COG5: variants seen among roughly 807,000 people sequenced by gnomAD.
The protein encoded by COG5 is conserved oligomeric Golgi complex subunit 5.
In COG5, 86 loss-of-function variants were observed where a neutral mutation model predicts 110.4. The ratio of observed to expected loss-of-function variants is 0.78; its 90% CI spans 0.65 to 0.93. The LOEUF is 0.93. COG5 is among the 40% of genes least tolerant of loss of function. COG5 has a pLI of 0.00. For synonymous variants in COG5, 360 were observed against 334.6 expected (o/e 1.08, Z -0.83); for missense variants, 1,077 against 987.0 (o/e 1.09, Z -1.22).
At chr7:107,381,240 G>C (rs1815089857) in intron 7 of COG5, among the ~76,000 whole-genome samples, 1 of 152,160 alleles carries the variant, frequency 6.6e-6, no homozygotes, top group African/African-American at 2.4e-5. Context: ...TCAAACTTCA[G>C]TTTCAGAATT....
At chr7:107,486,626 A>G (rs1184684267) in intron 6 of COG5, among the ~76,000 whole-genome samples, 1 of 152,230 alleles carries the variant, frequency 6.6e-6, no homozygotes, top group African/African-American at 2.4e-5. Flanking sequence ...TAAGTGAATA[A>G]TAACTAAAAT....
chr7:107,330,588 A>G (rs1281246415), intron 10 of COG5, among the ~76,000 whole-genome samples: 1 of 152,188 alleles, frequency 6.6e-6, no homozygotes, highest in Non-Finnish European at 1.5e-5. Context: ...CTTACTGCAC[A>G]TTGAATAAGG....
chr7:107,298,621 G>T (rs950705462), intron 11 of COG5, among the ~76,000 whole-genome samples: 1 of 152,002 alleles, frequency 6.6e-6, no homozygotes, highest in Admixed American at 6.5e-5. Flanking sequence ...CCTTTTTCAA[G>T]AATCAAGAAA....
chr7:107,222,506 A>C (rs1800013717), intron 19 of COG5, among the ~76,000 whole-genome samples: 1 of 152,120 alleles, frequency 6.6e-6, no homozygotes, highest in Non-Finnish European at 1.5e-5. Flanking sequence ...GCCCAGCCTC[A>C]CCTGTCCCTT....
intron 17 of COG5, among the ~76,000 whole-genome samples, chr7:107,240,720 C>T (rs949872884): frequency 2.0e-5 from 3 of 152,196 alleles, no homozygotes; most frequent in African/African-American, 7.2e-5. Context: ...CCAACTCCAC[C>T]TCATATTTCA....
chr7:107,310,750 A>G (rs1173163771), intron 11 of COG5, among the ~76,000 whole-genome samples: 1 of 152,200 alleles, frequency 6.6e-6, no homozygotes, highest in Admixed American at 6.5e-5. Context: ...AAGACATCCC[A>G]AAAGAAGAGG....
At chr7:107,225,733 T>C (rs62483629) in intron 19 of COG5, among the ~76,000 whole-genome samples, 28,683 of 152,136 alleles carry the variant, frequency 0.19, 3,226 homozygotes, top group East Asian at 0.31. Flanking sequence ...GGCTAGTAGA[T>C]GCTATTATTT....
rs1216218119 is a variant in COG5 at position 107,295,098 on chromosome 7, TATA to T, written c.1313+3041_1313+3043del. Among the ~76,000 whole-genome samples, 439 of 68,354 alleles carry T rather than the reference TATA, an allele frequency of 6.4e-3. 2 individuals are homozygous for T. The highest frequency in any genetic ancestry group is 0.014 in the African/African-American group (228 of 15,964). The allele number at this position is 68,354 out of a possible 152,430, so 44.8% of individuals were successfully genotyped here. A position where few individuals can be genotyped will look rare whatever the true frequency, so the allele number is the denominator to read the frequency against. ...ATATATATATATATATATATATATA[TATA>T]TTTTTTTTTTTTTTTTGTAGAGTCA... is the stretch of plus-strand genomic sequence containing the variant. On this transcript the variant is annotated intron_variant, in intron 12 of 21. Coordinates refer to ENST00000297135, the MANE Select transcript of COG5 (RefSeq NM_006348.5).
At chr7:107,464,033 C>T (rs1364168248) in intron 6 of COG5, among the ~76,000 whole-genome samples, 2 of 152,090 alleles carry the variant, frequency 1.3e-5, no homozygotes, top group Non-Finnish European at 2.9e-5. Flanking sequence ...AATTTCTCTC[C>T]CTCCCTAAGG....
chr7:107,241,675 A>C (rs1801645538), intron 17 of COG5, among the ~76,000 whole-genome samples: 1 of 151,866 alleles, frequency 6.6e-6, no homozygotes, highest in Non-Finnish European at 1.5e-5. Context: ...GATGGTCTCG[A>C]TCTCCTGACC....
chr7:107,493,912 A>C (rs1798115289), intron 6 of COG5, among the ~76,000 whole-genome samples: 1 of 152,200 alleles, frequency 6.6e-6, no homozygotes, highest in Admixed American at 6.6e-5. Flanking sequence ...GCCTTAGAAA[A>C]TAAATTGTTA....
chr7:107,231,657 G>T (rs541393354), intron 18 of COG5, among the ~76,000 whole-genome samples: 18 of 152,120 alleles, frequency 1.2e-4, no homozygotes, highest in Non-Finnish European at 2.5e-4. Context: ...CTTCTGTCCT[G>T]CTGGCCACCC....
chr7:107,562,659 C>T (rs1000163276), intron 1 of COG5, among the ~76,000 whole-genome samples: 5 of 152,176 alleles, frequency 3.3e-5, no homozygotes, highest in Non-Finnish European at 7.3e-5. Context: ...AAGTTTTAGA[C>T]AGAGACCCGG....
chr7:107,413,102 G>A (rs79401864), intron 6 of COG5, among the ~76,000 whole-genome samples: 2,378 of 151,642 alleles, frequency 0.016, 68 homozygotes, highest in African/African-American at 0.052. Flanking sequence ...CTATAGTCTC[G>A]AACTACTGGG....
At chr7:107,548,003 C>A in intron 5 of COG5, 108 bp downstream of exon 5, 1 of 913,564 alleles carries the variant, frequency 1.1e-6, no homozygotes, top group South Asian at 1.5e-5. Flanking sequence ...TTTCTCTTAC[C>A]TTCTGTTCCC....
At chr7:107,514,069 T>G (rs530235756) in intron 6 of COG5, among the ~76,000 whole-genome samples, 58 of 147,466 alleles carry the variant, frequency 3.9e-4, no homozygotes, top group African/African-American at 1.2e-3. Flanking sequence ...TAAAATAAAA[T>G]AAAAGAATAT....
chr7:107,313,503 T>C (rs1236386813), intron 11 of COG5, among the ~76,000 whole-genome samples: 1 of 152,172 alleles, frequency 6.6e-6, no homozygotes, highest in African/African-American at 2.4e-5. Context: ...TATTTTCTTA[T>C]AGTTTTGGAG....
At chr7:107,441,112 G>A (rs1467178757) in intron 6 of COG5, among the ~76,000 whole-genome samples, 5 of 151,762 alleles carry the variant, frequency 3.3e-5, no homozygotes, top group Non-Finnish European at 5.9e-5. Flanking sequence ...AAAATTAGCC[G>A]GGCATGGTGG....
intron 7 of COG5, among the ~76,000 whole-genome samples, chr7:107,402,685 AAG>A (rs1243396724): frequency 4.6e-5 from 7 of 152,328 alleles, no homozygotes; most frequent in African/African-American, 1.4e-4. Flanking sequence ...GTGAGTAGAA[AAG>A]AGAGAAATGG....
Sources: allele counts gnomAD v4.1 joint callset (sites outside exome capture counted in the v4.1 genomes callset), GRCh38; gene constraint gnomAD v4.1.1; transcripts MANE v1.5; gene names NCBI Gene and HGNC (gene_info 2026-07-23, HGNC 2026-07-21).